The following SLC9B2 variants were observed in gnomAD, a reference collection of about 807,000 sequenced individuals.
SLC9B2 encodes the protein sodium/hydrogen exchanger 9B2.
A neutral mutation model predicts 52.2 loss-of-function variants in SLC9B2; 39 were observed. The ratio of observed to expected loss-of-function variants is 0.75; its 90% CI spans 0.58 to 0.98. The LOEUF (loss-of-function observed/expected upper bound fraction) is 0.98, where lower values mean the gene tolerates loss of function less well. SLC9B2 is among the 50% of genes least tolerant of loss of function. SLC9B2 has a pLI of 0.00. For missense variants in SLC9B2, 626 were observed against 637.5 expected, an observed-to-expected ratio of 0.98 and a Z score of 0.19; for synonymous variants, 214 against 227.0, an observed-to-expected ratio of 0.94 and a Z score of 0.51.
rs1286719069 is a variant in SLC9B2, at chr4:103,024,144, G to A, written c.*2226C>T. On this transcript the variant is annotated 3_prime_UTR_variant, in exon 12 of 12. Coordinates refer to ENST00000394785, the MANE Select transcript of SLC9B2 (RefSeq NM_178833.7). Reference sequence around the variant, plus strand: ...TTATCATATTGTTTTGCAATGTCTTGTTTAACTGTCTGTTTTCTCTATTGG... The same window carrying A: ...TTATCATATTGTTTTGCAATGTCTTATTTAACTGTCTGTTTTCTCTATTGG... 6.6e-6 allele frequency among the ~76,000 whole-genome samples: 1 copy of A among 152,134 alleles called. No individual in the cohort carries two copies. Among genetic ancestry groups the A allele is most frequent in the East Asian group, 1.9e-4 (1 of 5,196 alleles).
Position 103,022,514 on chromosome 4 carries a change from T to G in SLC9B2, c.*3856A>C, listed in dbSNP as rs1741862069. Among the ~76,000 whole-genome samples the G allele has an allele frequency of 6.6e-6, 1 of 152,238 alleles. No homozygotes were observed. The highest frequency in any genetic ancestry group is 2.1e-4 in the South Asian group (1 of 4,830). On this transcript the variant is annotated 3_prime_UTR_variant, in exon 12 of 12. Coordinates refer to ENST00000394785, the MANE Select transcript of SLC9B2 (RefSeq NM_178833.7). ...TTTATATTAGTTTCAGTTTTCTTGT[T>G]TGTATTTTTCTGTGTTCTAAATTTT...
chr4:103,048,948 C>G lies in SLC9B2; in HGVS notation c.658G>C (p.Ala220Pro). The change falls in exon 6 of 12, where the codon GCT becomes CCT. Residue 220 changes from alanine (A) to proline (P), a missense_variant. Physicochemically the swap from Ala to Pro is conservative, Grantham distance 27. Coordinates refer to ENST00000394785, the MANE Select transcript of SLC9B2 (RefSeq NM_178833.7). ...GPCIVEACTS[A>P]LLAHYLLGLP... ...CCCAGCAGGTAATGGGCAAGAAGAG[C>G]AGATGTGCACGCCTCCACAATACAG... The G allele has an allele frequency of 6.2e-7, 1 of 1,613,962 alleles. No homozygotes were observed.
intron 9 of SLC9B2, among the ~76,000 whole-genome samples, chr4:103,035,893 A>G (rs1287858425): frequency 6.6e-6 from 1 of 152,222 alleles, no homozygotes; most frequent in African/African-American, 2.4e-5. Context: ...TCAACGGTAG[A>G]CTAGATAAAG....
At chr4:103,057,274 A>G (rs1221236664) in intron 4 of SLC9B2, among the ~76,000 whole-genome samples, 5 of 140,266 alleles carry the variant, frequency 3.6e-5, no homozygotes, top group Non-Finnish European at 7.9e-5. Flanking sequence ...ATATATATAT[A>G]CACACACACA....
At chr4:103,067,674 C>A (rs1746267188) in intron 1 of SLC9B2, 82 bp from the exon 2 acceptor site, 2 of 772,216 alleles carry the variant, frequency 2.6e-6, no homozygotes, top group Non-Finnish European at 4.3e-6. Flanking sequence ...TTATTTTTTT[C>A]CCTAAAAATT....
chr4:103,065,034 G>A (rs963020512), intron 3 of SLC9B2, among the ~76,000 whole-genome samples: 1 of 151,860 alleles, frequency 6.6e-6, no homozygotes, highest in Non-Finnish European at 1.5e-5. Context: ...ACAAACCTGG[G>A]CAACATAACA....
At chr4:103,019,072 T>C (rs1484202629), downstream of SLC9B2, among the ~76,000 whole-genome samples, 1 of 152,004 alleles carries the variant, frequency 6.6e-6, no homozygotes, top group Non-Finnish European at 1.5e-5. Context: ...TGATCCCTGG[T>C]GCCAAAAAGG....
chr4:103,063,568 A>T (rs1254149082), intron 3 of SLC9B2, among the ~76,000 whole-genome samples: 1 of 152,222 alleles, frequency 6.6e-6, no homozygotes. Context: ...AGGCAAATTT[A>T]GTAAGACATA....
chr4:103,055,850 C>G (rs184873511), intron 4 of SLC9B2, among the ~76,000 whole-genome samples: 1 of 147,548 alleles, frequency 6.8e-6, no homozygotes, highest in African/African-American at 2.5e-5. Context: ...GTCACCCAGG[C>G]TGGAGTGCAG....
intron 4 of SLC9B2, among the ~76,000 whole-genome samples, chr4:103,052,417 A>C (rs1177918670): frequency 6.6e-6 from 1 of 152,206 alleles, no homozygotes; most frequent in Non-Finnish European, 1.5e-5. Flanking sequence ...GAGCTTATAT[A>C]TTTGTAGGTT....
chr4:103,065,272 TAGAC>T (rs573551563), intron 3 of SLC9B2: 21 of 151,952 alleles, frequency 1.4e-4, no homozygotes, highest in Non-Finnish European at 3.1e-4. Context: ...AAATTTCAGT[TAGAC>T]AGGAGGAATA....
chr4:103,049,125 T>G, intron 5 of SLC9B2, 105 bp from the exon 6 acceptor site: 2 of 1,338,494 alleles, frequency 1.5e-6, no homozygotes, highest in Non-Finnish European at 2.0e-6. Flanking sequence ...TGGGTCATCA[T>G]GAGTTTTCAA....
chr4:103,055,379 A>G (rs1439727624), intron 4 of SLC9B2, among the ~76,000 whole-genome samples: 1 of 152,236 alleles, frequency 6.6e-6, no homozygotes, highest in East Asian at 1.9e-4. Flanking sequence ...CCTAAAACTT[A>G]AAGTATAATT....
intron 9 of SLC9B2, among the ~76,000 whole-genome samples, chr4:103,035,875 C>T (rs1015512333): frequency 2.2e-4 from 33 of 152,280 alleles, no homozygotes; most frequent in African/African-American, 6.7e-4. Flanking sequence ...AATCAACCTA[C>T]ATGCCCATCA....
intron 7 of SLC9B2, among the ~76,000 whole-genome samples, chr4:103,045,469 G>A (rs983558133): frequency 5.9e-5 from 9 of 151,942 alleles, no homozygotes; most frequent in African/African-American, 2.2e-4. Context: ...AATTTACTAT[G>A]AATGTGTAGA....
At chr4:103,021,495 T>G (rs1396606952), downstream of SLC9B2, among the ~76,000 whole-genome samples, 1 of 152,130 alleles carries the variant, frequency 6.6e-6, no homozygotes, top group Non-Finnish European at 1.5e-5. Context: ...TAAAAAACAT[T>G]TAAACAATCA....
At chr4:103,032,093 C>T (rs1742759020) in intron 9 of SLC9B2, among the ~76,000 whole-genome samples, 1 of 152,052 alleles carries the variant, frequency 6.6e-6, no homozygotes, top group South Asian at 2.1e-4. Flanking sequence ...CTTCTGAATA[C>T]ATCGTGTGTA....
chr4:103,043,178 T>C, intron 9 of SLC9B2, 118 bp downstream of exon 9: 1 of 1,150,680 alleles, frequency 8.7e-7, no homozygotes, highest in Non-Finnish European at 1.2e-6. Flanking sequence ...TATATGCACA[T>C]TAAGATAGCT....
upstream of SLC9B2, chr4:103,076,838 T>A (rs1747232965): frequency 6.6e-6 from 1 of 152,332 alleles, no homozygotes; most frequent in African/African-American, 2.4e-5. Context: ...CGTTACTTGT[T>A]TTATCGTTCC....
Sources: allele counts gnomAD v4.1 joint callset (sites outside exome capture counted in the v4.1 genomes callset), GRCh38; gene constraint gnomAD v4.1.1; transcripts MANE v1.5; gene names NCBI Gene and HGNC (gene_info 2026-07-23, HGNC 2026-07-21).